Variants in CATSPER3 observed in about 807,000 individuals in gnomAD.
CATSPER3 encodes the protein cation channel sperm-associated protein 3.
A neutral mutation model predicts 36.6 loss-of-function variants in CATSPER3; 23 were observed. That is an observed-to-expected ratio of 0.63 (90% confidence interval 0.45 to 0.89). The LOEUF (loss-of-function observed/expected upper bound fraction) is 0.89, where lower values mean the gene tolerates loss of function less well. CATSPER3 is among the 40% of genes least tolerant of loss of function. The pLI, the probability that CATSPER3 is intolerant of heterozygous loss-of-function variation, is 0.00. For synonymous variants in CATSPER3, 172 were observed against 184.1 expected (o/e 0.93, Z 0.53); for missense variants, 474 against 503.9 (o/e 0.94, Z 0.57).
At chr5:134,997,590 G>T (rs764024338) in intron 3 of CATSPER3, among the ~76,000 whole-genome samples, 1 of 152,118 alleles carries the variant, frequency 6.6e-6, no homozygotes, top group African/African-American at 2.4e-5. Flanking sequence ...CAGTTCCCTT[G>T]GCATCCTTGT....
chr5:134,995,907 A>G (rs965223254), intron 2 of CATSPER3: 2 of 336,364 alleles, frequency 5.9e-6, no homozygotes, highest in African/African-American at 4.2e-5. Context: ...TTTCATCTAT[A>G]TTCCTAAAAG....
chr5:135,011,474 G>T, intron 7 of CATSPER3, 47 bp from the exon 8 acceptor site: 1 of 1,436,850 alleles, frequency 7.0e-7, no homozygotes, highest in Non-Finnish European at 9.7e-7. Context: ...GGGTCCTGGA[G>T]CCTGCCTCTG....
intron 2 of CATSPER3, among the ~76,000 whole-genome samples, chr5:134,978,148 T>A (rs560509545): frequency 6.6e-6 from 1 of 152,132 alleles, no homozygotes; most frequent in Non-Finnish European, 1.5e-5. Flanking sequence ...TGCTAAAGGC[T>A]GGGAAGAGCA....
intron 2 of CATSPER3, among the ~76,000 whole-genome samples, chr5:134,981,916 G>A (rs1751756749): frequency 6.6e-6 from 1 of 152,158 alleles, no homozygotes; most frequent in South Asian, 2.1e-4. Flanking sequence ...GATCACTTGA[G>A]GTCAGGAGTT....
intron 3 of CATSPER3, among the ~76,000 whole-genome samples, chr5:134,997,305 A>C (rs1580911490): frequency 6.6e-6 from 1 of 152,344 alleles, no homozygotes; most frequent in Middle Eastern, 3.4e-3. Context: ...AGAAAAGAGA[A>C]GGGGAACGTT....
intron 2 of CATSPER3, among the ~76,000 whole-genome samples, chr5:134,983,535 A>G (rs1157918640): frequency 1.3e-5 from 2 of 152,196 alleles, no homozygotes; most frequent in African/African-American, 2.4e-5. Context: ...CTCTGTCTCA[A>G]ACAAATGAAG....
chr5:134,971,925 T>C (rs1751612290), intron 2 of CATSPER3, among the ~76,000 whole-genome samples: 2 of 152,188 alleles, frequency 1.3e-5, no homozygotes, highest in Non-Finnish European at 2.9e-5. Context: ...TCAGTGAGGT[T>C]AGAACCACAC....
At chr5:135,008,776 T>G in intron 4 of CATSPER3, 65 bp from the exon 5 acceptor site, 1 of 1,451,300 alleles carries the variant, frequency 6.9e-7, no homozygotes, top group East Asian at 2.3e-5. Context: ...TCCTCTAGCA[T>G]AGGTGAAAAG....
Position 135,005,838 on chromosome 5 carries a change from C to T in CATSPER3, c.493-2119C>T, listed in dbSNP as rs137986572. On this transcript the variant is annotated intron_variant, in intron 3 of 7. Transcript: ENST00000282611. ...GATGTGAGCATTAGTCCCCCTTCCT[C>T]CCTGCCTCCTCCTCCTGGGGCCAGA... is the stretch of plus-strand genomic sequence containing the variant. 2.6e-3 allele frequency among the ~76,000 whole-genome samples: 399 copies of T among 152,348 alleles called. 1 individual carries two copies. The highest frequency in any genetic ancestry group is 9.0e-3 in the African/African-American group (376 of 41,588).
chr5:134,968,798 C>A, intron 1 of CATSPER3: 1 of 151,858 alleles, frequency 6.6e-6, no homozygotes, highest in Non-Finnish European at 1.5e-5. Context: ...AACAGTAATA[C>A]GTACTCTGAG....
intron 2 of CATSPER3, among the ~76,000 whole-genome samples, chr5:134,989,575 A>C (rs1028491638): frequency 3.9e-5 from 6 of 152,226 alleles, no homozygotes; most frequent in Non-Finnish European, 7.3e-5. Flanking sequence ...GCTAGCTTTC[A>C]GCTTTTCTCC....
At chr5:134,981,858 G>A (rs561417725) in intron 2 of CATSPER3, among the ~76,000 whole-genome samples, 27 of 152,298 alleles carry the variant, frequency 1.8e-4, no homozygotes, top group African/African-American at 2.9e-4. Context: ...GGCCAGGTGC[G>A]GTGGCTTCTG....
intron 2 of CATSPER3, among the ~76,000 whole-genome samples, chr5:134,976,506 C>T (rs1240147567): frequency 6.6e-6 from 1 of 152,226 alleles, no homozygotes; most frequent in East Asian, 1.9e-4. Flanking sequence ...TGTGTCTGCT[C>T]TCATGGGTTG....
At chr5:134,980,127 A>G (rs929874315) in intron 2 of CATSPER3, among the ~76,000 whole-genome samples, 1 of 151,974 alleles carries the variant, frequency 6.6e-6, no homozygotes, top group Non-Finnish European at 1.5e-5. Flanking sequence ...GACTACAGAC[A>G]TATATCACCA....
intron 3 of CATSPER3, among the ~76,000 whole-genome samples, chr5:135,003,545 T>G (rs1268525072): frequency 6.6e-6 from 1 of 152,228 alleles, no homozygotes; most frequent in Admixed American, 6.5e-5. Context: ...TGCCCTGCCC[T>G]CAGAGGTGGA....
chr5:134,994,946 CCTTT>C (rs1029463213), intron 2 of CATSPER3, among the ~76,000 whole-genome samples: 4 of 151,046 alleles, frequency 2.6e-5, no homozygotes, highest in African/African-American at 7.3e-5. Flanking sequence ...TCCCTTCCTT[CCTTT>C]CTTTCTTCCT....
Position 134,969,982 on chromosome 5 carries a change from A to G in CATSPER3, c.142A>G (p.Met48Val). 3 of 1,614,140 alleles carry G rather than the reference A, an allele frequency of 1.9e-6. No homozygotes were observed. The highest frequency in any genetic ancestry group is 2.5e-6 in the Non-Finnish European group (3 of 1,180,018). ...ECRAFVKRVI[M>V]SRFFKIIMIS... The stretch of plus-strand genomic sequence containing the variant: ...TCGGGCATTTGTGAAGAGAGTCATA[A>G]TGAGCCGTTTCTTTAAGATAATTAT... The change falls in exon 2 of 8, where the codon ATG (methionine) becomes GTG (valine). Residue 48 changes from methionine (M) to valine (V), a missense_variant. Coordinates refer to ENST00000282611, the MANE Select transcript of CATSPER3 (RefSeq NM_178019.3).
chr5:134,971,697 C>G (rs756842671), intron 2 of CATSPER3, among the ~76,000 whole-genome samples: 1 of 152,074 alleles, frequency 6.6e-6, no homozygotes, highest in African/African-American at 2.4e-5. Flanking sequence ...GCTAGAGGAG[C>G]AGATGGTGTG....
intron 3 of CATSPER3, among the ~76,000 whole-genome samples, chr5:135,003,248 G>C (rs1057072300): frequency 6.6e-6 from 1 of 152,230 alleles, no homozygotes; most frequent in Non-Finnish European, 1.5e-5. Context: ...GGTATCAGCA[G>C]TGGAGGCTGC....
Sources: gnomAD v4.1 joint callset for allele counts (sites outside exome capture counted in the v4.1 genomes callset) on GRCh38, gnomAD v4.1.1 for gene constraint, MANE v1.5 for transcripts, NCBI Gene and HGNC (gene_info 2026-07-23, HGNC 2026-07-21) for gene names.